Variants in ANK3 observed in about 807,000 individuals in gnomAD.
ANK3 encodes ankyrin 3.
A neutral mutation model predicts 370.9 loss-of-function variants in ANK3; 57 were observed. That is an observed-to-expected ratio of 0.15 (90% confidence interval 0.12 to 0.19). The LOEUF is 0.19. Among genes scored for constraint, ANK3 ranks in the 10% least tolerant of loss-of-function variants. ANK3 has a pLI of 1.00. For missense variants in ANK3, 4,439 were observed against 5,302.1 expected, an observed-to-expected ratio of 0.84 and a Z score of 5.06; for synonymous variants, 1,929 against 1,946.3, an observed-to-expected ratio of 0.99 and a Z score of 0.23.
At chr10:60,214,319 T>C (rs1311082336) in intron 8 of ANK3, among the ~76,000 whole-genome samples, 1 of 152,140 alleles carries the variant, frequency 6.6e-6, no homozygotes, top group African/African-American at 2.4e-5. Flanking sequence ...TGTAGTAGAG[T>C]TACGAATTCT....
intron 42 of ANK3, among the ~76,000 whole-genome samples, chr10:60,050,108 A>G (rs2077647564): frequency 6.6e-6 from 1 of 152,186 alleles, no homozygotes; most frequent in Non-Finnish European, 1.5e-5. Flanking sequence ...AAAAACTCAG[A>G]AAAACAGAAT....
intron 21 of ANK3, 72 bp downstream of exon 21, chr10:60,172,236 T>A (rs921629774): frequency 8.4e-7 from 1 of 1,187,982 alleles, no homozygotes; most frequent in Non-Finnish European, 1.2e-6. Flanking sequence ...AAAATATTCA[T>A]CTCAGAAAAA....
chr10:60,127,678 C>T (rs774583301), intron 25 of ANK3, among the ~76,000 whole-genome samples: 3 of 150,414 alleles, frequency 2.0e-5, no homozygotes, highest in Admixed American at 6.7e-5. Context: ...GCCTTCCATG[C>T]CATAATTTTT....
intron 2 of ANK3, among the ~76,000 whole-genome samples, chr10:60,461,189 C>T (rs1256052232): frequency 1.3e-5 from 2 of 152,138 alleles, no homozygotes. Flanking sequence ...GGTTTCTGGT[C>T]CTTTTTTCTC....
At chr10:60,725,667 G>C (rs868431918) in intron 1 of ANK3, among the ~76,000 whole-genome samples, 6 of 152,112 alleles carry the variant, frequency 3.9e-5, no homozygotes, top group Middle Eastern at 3.2e-3. Flanking sequence ...TGATATGGTT[G>C]TTGTGAGACA....
At chr10:60,273,388 C>T (rs2098032048) in intron 4 of ANK3, among the ~76,000 whole-genome samples, 1 of 152,042 alleles carries the variant, frequency 6.6e-6, no homozygotes, top group South Asian at 2.1e-4. Context: ...TAAAAGTGTA[C>T]AATTTAGTGG....
intron 1 of ANK3, among the ~76,000 whole-genome samples, chr10:60,732,849 T>C (rs1024942200): frequency 1.3e-5 from 2 of 151,774 alleles, no homozygotes; most frequent in African/African-American, 4.8e-5. Flanking sequence ...TTAGGAAAGG[T>C]TCAGCCTGGC....
intron 1 of ANK3, among the ~76,000 whole-genome samples, chr10:60,293,281 C>T (rs1017645826): frequency 6.6e-6 from 1 of 152,140 alleles, no homozygotes; most frequent in African/African-American, 2.4e-5. Flanking sequence ...TAGCATTAGT[C>T]ATTTACATAC....
intron 1 of ANK3, among the ~76,000 whole-genome samples, chr10:60,386,753 T>C (rs1027695742): frequency 9.9e-5 from 15 of 152,232 alleles, no homozygotes; most frequent in Non-Finnish European, 2.2e-4. Flanking sequence ...TCTTTGGCCT[T>C]GCTCAAACCT....
intron 11 of ANK3, 103 bp downstream of exon 11, chr10:60,205,689 A>G (rs2096752519): frequency 2.3e-5 from 19 of 821,040 alleles, no homozygotes; most frequent in Non-Finnish European, 3.4e-5. Context: ...TGGCCATGAT[A>G]TGCAAACAAA....
At chr10:60,363,757 C>G (rs2058982519) in intron 1 of ANK3, among the ~76,000 whole-genome samples, 1 of 151,914 alleles carries the variant, frequency 6.6e-6, no homozygotes, top group South Asian at 2.1e-4. Context: ...AATCACAGAA[C>G]AAAAGAGTAA....
At chr10:60,060,232 G>A (rs1034080926) in intron 40 of ANK3, 1 of 355,968 alleles carries the variant, frequency 2.8e-6, no homozygotes, top group African/African-American at 2.1e-5. Context: ...AATTGTTTCT[G>A]TTTTGGAAAT....
At chr10:60,337,645 T>C (rs1042274424) in intron 1 of ANK3, among the ~76,000 whole-genome samples, 7 of 152,322 alleles carry the variant, frequency 4.6e-5, no homozygotes, top group South Asian at 2.1e-4. Flanking sequence ...TTGGCAAGCA[T>C]GCAGCTTGCC....
chr10:60,069,198 A>G lies in ANK3; in HGVS notation c.11683T>C (p.Ser3895Pro), dbSNP rs797045230. The G allele has an allele frequency of 5.2e-5, 84 of 1,613,980 alleles. No individual in the cohort carries two copies. The highest frequency in any genetic ancestry group is 6.9e-5 in the Non-Finnish European group (82 of 1,180,012). Residue 3895 changes from serine (S) to proline (P), a missense_variant, in exon 37 of 44, where the codon TCC (serine) becomes CCC (proline). Ser to Pro is a moderately conservative substitution (Grantham distance 74, BLOSUM62 -1). Around this residue, in one of 13 missense-constraint regions of ANK3, gnomAD observed 496 missense variants for 529.3 expected, o/e 0.94. Coordinates refer to ENST00000280772, the MANE Select transcript of ANK3 (RefSeq NM_020987.5). The stretch of plus-strand genomic sequence containing the variant: ...GTAGTAAGGGCTTTGGTTTTCTCGG[A>G]TTGACTAACCTGCTTCATTTTACTT... ...KASKMKQVSQ[S>P]EKTKALTTSS... is the part of the protein sequence containing the mutation.
chr10:60,240,177 T>C (rs1164392688), intron 7 of ANK3, among the ~76,000 whole-genome samples: 8 of 136,146 alleles, frequency 5.9e-5, no homozygotes, highest in East Asian at 2.1e-4. Context: ...TATATATACA[T>C]ATATACACAT....
intron 2 of ANK3, among the ~76,000 whole-genome samples, chr10:60,479,392 T>C (rs2075153301): frequency 1.3e-5 from 2 of 152,180 alleles, no homozygotes; most frequent in African/African-American, 4.8e-5. Flanking sequence ...CTATACTATA[T>C]AGCCTAGGTG....
At chr10:60,241,193 G>A (rs757996298) in intron 7 of ANK3, among the ~76,000 whole-genome samples, 30 of 151,900 alleles carry the variant, frequency 2.0e-4, no homozygotes, top group Non-Finnish European at 4.1e-4. Flanking sequence ...TTCCCATTAA[G>A]GTAGAATATT....
At chr10:60,308,527 C>T (rs1050012465) in intron 1 of ANK3, among the ~76,000 whole-genome samples, 4 of 151,940 alleles carry the variant, frequency 2.6e-5, no homozygotes, top group Non-Finnish European at 4.4e-5. Flanking sequence ...CTGCCTGCCT[C>T]GGCCTCCCAA....
chr10:60,342,538 C>T (rs1033425291), intron 1 of ANK3, among the ~76,000 whole-genome samples: 1 of 152,158 alleles, frequency 6.6e-6, no homozygotes, highest in African/African-American at 2.4e-5. Context: ...CTGACTGAGG[C>T]AATGGTATTG....
Sources: gnomAD v4.1 joint callset for allele counts (sites outside exome capture counted in the v4.1 genomes callset) on GRCh38, gnomAD v4.1.1 for gene constraint, gnomAD v4.1.1 regional missense constraint, MANE v1.5 for transcripts, NCBI Gene and HGNC (gene_info 2026-07-23, HGNC 2026-07-21) for gene names.